The following TENT2 variants were observed in gnomAD, a reference collection of about 807,000 sequenced individuals.
The protein encoded by TENT2 is terminal nucleotidyltransferase 2, also known as poly(A) RNA polymerase GLD2.
TENT2 carries 44 observed loss-of-function variants against 72.2 expected under a neutral mutation model. That is an observed-to-expected ratio of 0.61 (90% CI 0.48 to 0.78). The LOEUF (loss-of-function observed/expected upper bound fraction) is 0.78. Ranked by LOEUF, TENT2 falls within the 30% of genes least tolerant of loss-of-function variation. TENT2 has a pLI of 0.00. For missense variants in TENT2, 541 were observed against 569.6 expected, an observed-to-expected ratio of 0.95 and a Z score of 0.51; for synonymous variants, 212 against 192.5, an observed-to-expected ratio of 1.10 and a Z score of -0.84.
At chr5:79,631,247 C>T (rs1027637700) in intron 4 of TENT2, among the ~76,000 whole-genome samples, 1 of 152,058 alleles carries the variant, frequency 6.6e-6, no homozygotes, top group African/African-American at 2.4e-5. Flanking sequence ...CCATTGGGTT[C>T]GATTGAGAAG....
chr5:79,638,037 A>G (rs1175855593), intron 4 of TENT2, among the ~76,000 whole-genome samples: 1 of 151,828 alleles, frequency 6.6e-6, no homozygotes, highest in African/African-American at 2.4e-5. Context: ...TGACCTCGTG[A>G]TCTGCCTGCA....
chr5:79,637,240 A>T (rs989228748), intron 4 of TENT2, among the ~76,000 whole-genome samples: 1 of 147,696 alleles, frequency 6.8e-6, no homozygotes, highest in Admixed American at 6.8e-5. Flanking sequence ...AAAAAAAAAA[A>T]ATTGTTGCTC....
intron 4 of TENT2, among the ~76,000 whole-genome samples, chr5:79,628,383 G>T (rs936972280): frequency 2.0e-5 from 3 of 152,200 alleles, no homozygotes; most frequent in Non-Finnish European, 2.9e-5. Flanking sequence ...GCTGTTTAGT[G>T]AGTTTGGTTT....
chr5:79,641,490 A>C (rs1460899189), intron 6 of TENT2, among the ~76,000 whole-genome samples: 3 of 148,072 alleles, frequency 2.0e-5, no homozygotes, highest in African/African-American at 7.5e-5. Context: ...ATTAGTTTGG[A>C]TATGTTACCA....
intron 12 of TENT2, among the ~76,000 whole-genome samples, chr5:79,678,164 A>G (rs1818753349): frequency 2.0e-5 from 3 of 152,166 alleles, no homozygotes; most frequent in Admixed American, 2.0e-4. Context: ...AACTTTCACA[A>G]ACTCCTCTTG....
At chr5:79,614,629 A>G (rs1024275498) in intron 1 of TENT2, among the ~76,000 whole-genome samples, 1 of 152,158 alleles carries the variant, frequency 6.6e-6, no homozygotes, top group Non-Finnish European at 1.5e-5. Context: ...CACATAGGAG[A>G]TGGTAGAAGA....
chr5:79,633,371 C>G (rs1410796756), intron 4 of TENT2, among the ~76,000 whole-genome samples: 1 of 146,988 alleles, frequency 6.8e-6, no homozygotes, highest in African/African-American at 2.5e-5. Context: ...GTAGATAGCA[C>G]TTAGGCAAAA....
At chr5:79,622,952 T>C (rs973269459) in intron 3 of TENT2, among the ~76,000 whole-genome samples, 1 of 152,184 alleles carries the variant, frequency 6.6e-6, no homozygotes, top group African/African-American at 2.4e-5. Flanking sequence ...ATAGAACTTT[T>C]CCTACAAAGT....
chr5:79,651,281 G>A (rs115640303), intron 10 of TENT2, among the ~76,000 whole-genome samples: 3 of 151,540 alleles, frequency 2.0e-5, no homozygotes, highest in Non-Finnish European at 2.9e-5. Context: ...GTAAAGGGTG[G>A]ATGTTCTTTT....
At chr5:79,636,674 A>C (rs1285779417) in intron 4 of TENT2, among the ~76,000 whole-genome samples, 1 of 152,204 alleles carries the variant, frequency 6.6e-6, no homozygotes, top group Non-Finnish European at 1.5e-5. Flanking sequence ...TTGAATCTAA[A>C]GGTCAATTCT....
intron 5 of TENT2, 58 bp downstream of exon 5, chr5:79,641,023 TC>T: frequency 1.4e-6 from 2 of 1,475,954 alleles, no homozygotes; most frequent in Non-Finnish European, 9.2e-7. Context: ...TTAAATTTTA[TC>T]TTTTTTTTTT....
intron 1 of TENT2, among the ~76,000 whole-genome samples, chr5:79,619,363 A>G (rs1331498599): frequency 4.6e-5 from 7 of 152,242 alleles, no homozygotes; most frequent in Non-Finnish European, 7.3e-5. Flanking sequence ...TAAAAGTATT[A>G]GGGTAAATTA....
At chr5:79,615,662 T>A (rs1759120611) in intron 1 of TENT2, among the ~76,000 whole-genome samples, 1 of 151,902 alleles carries the variant, frequency 6.6e-6, no homozygotes, top group South Asian at 2.1e-4. Flanking sequence ...GGGTGAAAAG[T>A]GTTCGTTGCC....
At chr5:79,661,815 ATTC>A (rs987645555) in intron 11 of TENT2, among the ~76,000 whole-genome samples, 3 of 152,092 alleles carry the variant, frequency 2.0e-5, no homozygotes, top group African/African-American at 7.2e-5. Flanking sequence ...ACATTGATTG[ATTC>A]TTCTTCAAAA....
intron 11 of TENT2, among the ~76,000 whole-genome samples, chr5:79,667,604 A>C (rs1031596411): frequency 3.9e-5 from 6 of 152,200 alleles, no homozygotes; most frequent in Admixed American, 2.0e-4. Flanking sequence ...AGGAGTATCA[A>C]CTTTATGAAT....
intron 1 of TENT2, among the ~76,000 whole-genome samples, 179 bp downstream of exon 1, chr5:79,613,254 A>G (rs920805393): frequency 2.0e-5 from 3 of 152,238 alleles, no homozygotes; most frequent in Admixed American, 2.0e-4. Flanking sequence ...CAAGGTGAGA[A>G]CACGAAAGGC....
At chr5:79,631,790 A>G (rs1775793973) in intron 4 of TENT2, among the ~76,000 whole-genome samples, 2 of 152,200 alleles carry the variant, frequency 1.3e-5, no homozygotes. Flanking sequence ...ACAATCATGA[A>G]TAAGGTTTCC....
chr5:79,684,453 A>G (rs890318386), intron 14 of TENT2, among the ~76,000 whole-genome samples: 1 of 151,960 alleles, frequency 6.6e-6, no homozygotes, highest in Non-Finnish European at 1.5e-5. Flanking sequence ...ACAGGGTTTC[A>G]CCATGTTGCC....
intron 11 of TENT2, 44 bp from the exon 12 acceptor site, chr5:79,668,848 G>A (rs762828421): frequency 6.3e-6 from 10 of 1,581,024 alleles, no homozygotes; most frequent in Non-Finnish European, 2.6e-6. Flanking sequence ...CTTAGTGTGT[G>A]TTTTAAATGG....
Sources: allele counts gnomAD v4.1 joint callset (sites outside exome capture counted in the v4.1 genomes callset), GRCh38; gene constraint gnomAD v4.1.1; transcripts MANE v1.5; gene names NCBI Gene and HGNC (gene_info 2026-07-23, HGNC 2026-07-21).